B3GALT1: variants seen among roughly 807,000 people sequenced by gnomAD.
B3GALT1 encodes the protein UDP-Gal:betaGlcNAc beta 1,3-galactosyltransferase, polypeptide 1.
A neutral mutation model predicts 23.2 loss-of-function variants in B3GALT1; 10 were observed. That is an observed-to-expected ratio of 0.43 (90% CI 0.27 to 0.73). The LOEUF (loss-of-function observed/expected upper bound fraction) is 0.73, where lower values mean the gene tolerates loss of function less well. Among genes scored for constraint, B3GALT1 ranks in the 30% least tolerant of loss-of-function variants. The pLI is 0.21. For missense variants in B3GALT1, 299 were observed against 405.4 expected (o/e 0.74, Z 2.25); for synonymous variants, 156 against 141.5 (o/e 1.10, Z -0.73).
intron 1 of B3GALT1, among the ~76,000 whole-genome samples, chr2:167,405,024 A>C (rs906633223): frequency 6.6e-6 from 1 of 152,170 alleles, no homozygotes; most frequent in African/African-American, 2.4e-5. Flanking sequence ...CCCCACCATT[A>C]CTGCTGATTG....
At chr2:167,839,386 A>C (rs1224522375) in intron 4 of B3GALT1, among the ~76,000 whole-genome samples, 2 of 152,254 alleles carry the variant, frequency 1.3e-5, no homozygotes, top group Admixed American at 6.5e-5. Flanking sequence ...CACCAATAAC[A>C]GACAAACAGA....
intron 2 of B3GALT1, among the ~76,000 whole-genome samples, chr2:167,573,411 T>C (rs978269844): frequency 1.3e-5 from 2 of 151,822 alleles, no homozygotes; most frequent in Non-Finnish European, 3.0e-5. Flanking sequence ...CCACTCATAA[T>C]TGCAGTTTCA....
intron 1 of B3GALT1, among the ~76,000 whole-genome samples, chr2:167,320,705 T>C (rs1175485559): frequency 6.6e-6 from 1 of 152,120 alleles, no homozygotes; most frequent in African/African-American, 2.4e-5. Flanking sequence ...ACAAACTGAT[T>C]ATCATTTGGC....
intron 2 of B3GALT1, among the ~76,000 whole-genome samples, chr2:167,542,898 A>G (rs188763374): frequency 1.3e-5 from 2 of 151,972 alleles, no homozygotes; most frequent in East Asian, 1.9e-4. Context: ...TTTGTACCCT[A>G]TAAGTTAAAA....
intron 3 of B3GALT1, among the ~76,000 whole-genome samples, chr2:167,732,961 G>C (rs962665851): frequency 2.0e-5 from 3 of 152,150 alleles, no homozygotes; most frequent in African/African-American, 7.2e-5. Flanking sequence ...TATCCTATGA[G>C]ACAGATACTG....
intron 3 of B3GALT1, among the ~76,000 whole-genome samples, chr2:167,674,513 C>CT (rs1686389282): frequency 6.6e-6 from 1 of 152,110 alleles, no homozygotes; most frequent in South Asian, 2.1e-4. Flanking sequence ...TTGATGCAAC[C>CT]TTCAGATAAG....
chr2:167,418,958 C>G (rs922850634), intron 1 of B3GALT1, among the ~76,000 whole-genome samples: 1 of 152,228 alleles, frequency 6.6e-6, no homozygotes, highest in African/African-American at 2.4e-5. Context: ...TGCAGCAGCA[C>G]AGACACCACT....
intron 1 of B3GALT1, among the ~76,000 whole-genome samples, chr2:167,295,925 T>C (rs974749409): frequency 6.6e-6 from 1 of 152,192 alleles, no homozygotes; most frequent in African/African-American, 2.4e-5. Flanking sequence ...ATAGGAAATA[T>C]GTTTAAGCAT....
intron 3 of B3GALT1, among the ~76,000 whole-genome samples, chr2:167,762,335 C>T (rs536744341): frequency 6.6e-6 from 1 of 152,220 alleles, no homozygotes; most frequent in East Asian, 1.9e-4. Flanking sequence ...AGAACTATTT[C>T]TTCTTCTACT....
intron 2 of B3GALT1, among the ~76,000 whole-genome samples, chr2:167,629,781 G>A (rs560412732): frequency 6.6e-6 from 1 of 151,808 alleles, no homozygotes; most frequent in South Asian, 2.1e-4. Context: ...GCCACACTTT[G>A]TAAACACTGC....
intron 1 of B3GALT1, among the ~76,000 whole-genome samples, chr2:167,484,662 A>C (rs193283547): frequency 6.6e-6 from 1 of 152,192 alleles, no homozygotes. Flanking sequence ...CCAAGGTTCT[A>C]TTATGTAGAT....
chr2:167,535,800 G>A (rs1051980517), intron 2 of B3GALT1, among the ~76,000 whole-genome samples: 6 of 152,038 alleles, frequency 3.9e-5, no homozygotes, highest in Admixed American at 2.6e-4. Context: ...AATAATAAGA[G>A]CCATTATGAA....
At chr2:167,544,548 C>G (rs909419755) in intron 2 of B3GALT1, among the ~76,000 whole-genome samples, 1 of 152,138 alleles carries the variant, frequency 6.6e-6, no homozygotes, top group Non-Finnish European at 1.5e-5. Context: ...CCACCCACCT[C>G]GGCCTCCCAA....
At chr2:167,604,985 A>T (rs1684938435) in intron 2 of B3GALT1, among the ~76,000 whole-genome samples, 1 of 152,176 alleles carries the variant, frequency 6.6e-6, no homozygotes, top group East Asian at 1.9e-4. Flanking sequence ...GTTGTGATGT[A>T]ATGAGAGAAT....
intron 1 of B3GALT1, among the ~76,000 whole-genome samples, chr2:167,390,852 C>T (rs76640383): frequency 0.02 from 3,097 of 152,264 alleles, 107 homozygotes; most frequent in African/African-American, 0.071. Context: ...TTTAATCTAA[C>T]GCAGTCATTG....
intron 1 of B3GALT1, among the ~76,000 whole-genome samples, chr2:167,403,829 A>G (rs183453053): frequency 6.6e-6 from 1 of 152,178 alleles, no homozygotes; most frequent in South Asian, 2.1e-4. Context: ...AAGGGAGGAC[A>G]TGATCTTTAA....
intron 3 of B3GALT1, among the ~76,000 whole-genome samples, chr2:167,798,215 A>C (rs973027118): frequency 1.3e-5 from 2 of 152,146 alleles, no homozygotes; most frequent in Admixed American, 1.3e-4. Flanking sequence ...AGATTACAAA[A>C]ATTTTCCATT....
At chr2:167,325,702 C>CTTTTTTTTTTTTTTTT (rs61066636) in intron 1 of B3GALT1, among the ~76,000 whole-genome samples, 1 of 110,568 alleles carries the variant, frequency 9.0e-6, no homozygotes, top group African/African-American at 3.3e-5. Flanking sequence ...ACCCTGTTTT[C>CTTTTTTTTTTTTTTTT]TTTTTTTTTT....
At chr2:167,606,289 G>A (rs992328895) in intron 2 of B3GALT1, among the ~76,000 whole-genome samples, 1 of 152,080 alleles carries the variant, frequency 6.6e-6, no homozygotes, top group African/African-American at 2.4e-5. Flanking sequence ...AAACCTATGG[G>A]GGAATGTGCT....
Sources: allele counts gnomAD v4.1 joint callset (sites outside exome capture counted in the v4.1 genomes callset), GRCh38; gene constraint gnomAD v4.1.1; transcripts MANE v1.5; gene names NCBI Gene and HGNC (gene_info 2026-07-23, HGNC 2026-07-21).